Variants in SV2B observed in about 807,000 individuals in gnomAD.
SV2B encodes solute carrier family 22 member B2.
SV2B carries 41 observed loss-of-function variants against 73.9 expected under a neutral mutation model. The ratio of observed to expected loss-of-function variants is 0.56; its 90% confidence interval spans 0.43 to 0.72. The LOEUF (loss-of-function observed/expected upper bound fraction) is 0.72. SV2B is among the 30% of genes least tolerant of loss of function. The pLI is 0.00. For synonymous variants in SV2B, 314 were observed against 314.2 expected (o/e 1.00, Z 0.01); for missense variants, 764 against 857.8 (o/e 0.89, Z 1.37).
intron 2 of SV2B, 59 bp downstream of exon 2, chr15:91,226,773 T>C: frequency 1.9e-6 from 3 of 1,550,174 alleles, no homozygotes; most frequent in Non-Finnish European, 2.6e-6. Flanking sequence ...AAAATTTATC[T>C]AGTATCTGTC....
At chr15:91,270,840 G>GT in intron 9 of SV2B, among the ~76,000 whole-genome samples, 1 of 116,892 alleles carries the variant, frequency 8.6e-6, no homozygotes, top group Non-Finnish European at 1.9e-5. Flanking sequence ...TGTGGATGAT[G>GT]GGGGGACGGT....
chr15:91,282,010 C>T, intron 10 of SV2B, 149 bp downstream of exon 10: 1 of 988,194 alleles, frequency 1.0e-6, no homozygotes, highest in Non-Finnish European at 1.4e-6. Context: ...GGATTTTAGC[C>T]CCAGGCATGG....
At chr15:91,117,354 A>G (rs2042209975) in intron 1 of SV2B, among the ~76,000 whole-genome samples, 1 of 152,270 alleles carries the variant, frequency 6.6e-6, no homozygotes, top group South Asian at 2.1e-4. Flanking sequence ...AGTGCTCAGC[A>G]CAATGTTGGA....
intron 1 of SV2B, among the ~76,000 whole-genome samples, chr15:91,171,963 A>G (rs999619078): frequency 5.3e-5 from 8 of 152,192 alleles, no homozygotes; most frequent in South Asian, 2.1e-4. Flanking sequence ...ACTCTGTTGG[A>G]TAAAAACCTT....
intron 1 of SV2B, among the ~76,000 whole-genome samples, chr15:91,187,778 A>G (rs1596545447): frequency 1.3e-5 from 2 of 151,882 alleles, no homozygotes; most frequent in African/African-American, 4.8e-5. Context: ...TTCTATATTC[A>G]TTTACTAGGA....
chr15:91,199,245 T>C (rs2045374156), intron 1 of SV2B, among the ~76,000 whole-genome samples: 1 of 152,148 alleles, frequency 6.6e-6, no homozygotes, highest in South Asian at 2.1e-4. Context: ...TGGAACATAC[T>C]GTTTGACTTT....
At position 91,292,887 on chromosome 15, in the gene SV2B, C is replaced by T. The variant is rs1388115173; in HGVS notation, c.*335C>T. ...AAGTCAAGTGCAAGGACTTAACTTG[C>T]GTTTGAAAAGGAATTAGAGGGTCAG... On this transcript the variant is annotated 3_prime_UTR_variant, in exon 13 of 13. Transcript: ENST00000394232. The T allele has an allele frequency of 2.2e-5, 4 of 185,262 alleles. No individual in the cohort carries two copies. Among genetic ancestry groups the T allele is most frequent in the Non-Finnish European group, 4.4e-5 (4 of 90,274 alleles). 11.5% of individuals were successfully genotyped at this position (185,262 alleles called of 1,614,324 possible).
intron 6 of SV2B, among the ~76,000 whole-genome samples, chr15:91,263,519 C>T (rs1466585907): frequency 6.6e-6 from 1 of 151,506 alleles, no homozygotes; most frequent in Admixed American, 6.6e-5. Flanking sequence ...CATGTAGATG[C>T]AGAGACACAC....
chr15:91,127,601 A>G lies in SV2B; in HGVS notation c.-392+27238A>G, dbSNP rs12591346. ...TTGAACAAATAACCTTTTGGATGAG[A>G]AAGAAAAGAAATACTCCAGAGGCAT... On this transcript the variant is annotated intron_variant, in intron 1 of 12. Transcript: ENST00000394232. Among the ~76,000 whole-genome samples, 200 of 152,236 alleles carry G rather than the reference A, an allele frequency of 1.3e-3. No homozygotes were observed. In the East Asian group the frequency reaches 0.03, roughly 22 times the overall value.
intron 1 of SV2B, among the ~76,000 whole-genome samples, chr15:91,186,800 A>T (rs1011562420): frequency 6.6e-6 from 1 of 152,214 alleles, no homozygotes; most frequent in Non-Finnish European, 1.5e-5. Context: ...AAAAGCTCAG[A>T]CTTCACCACT....
chr15:91,197,626 T>C lies in SV2B; in HGVS notation c.-391-28247T>C, dbSNP rs16945314. Among the ~76,000 whole-genome samples the C allele has an allele frequency of 0.035, 5,272 of 152,186 alleles. 292 individuals carry two copies. The highest frequency in any genetic ancestry group is 0.12 in the African/African-American group (4,869 of 41,484). Reference sequence around the variant, plus strand: ...ATGGATAAGTAAGGAGAGTTATCCCTAGGAATACTATATAGCAGTTCAGCT... The same window carrying C: ...ATGGATAAGTAAGGAGAGTTATCCCCAGGAATACTATATAGCAGTTCAGCT... On this transcript the variant is annotated intron_variant, in intron 1 of 12. Coordinates refer to ENST00000394232, the MANE Select transcript of SV2B (RefSeq NM_001323032.3). This position sits in a 1 kb window ranked among gnomAD's most constrained non-coding sequence, Gnocchi z 4.9.
In SV2B at chr15:91,156,091, C is replaced by T. The variant is rs115828147; in HGVS notation, c.-392+55728C>T. On this transcript the variant is annotated intron_variant, in intron 1 of 12. Coordinates refer to ENST00000394232, the MANE Select transcript of SV2B (RefSeq NM_001323032.3). ...AAGGAATGGAAAAGTGTTTTATGTT[C>T]GTGTCAGAGGAGCTTCCAGATCACT... Among the ~76,000 whole-genome samples the T allele has an allele frequency of 6.6e-3, 999 of 152,078 alleles. 9 individuals are homozygous for T. The highest frequency in any genetic ancestry group is 0.023 in the African/African-American group (938 of 41,466).
rs2239994 is a variant in SV2B at position 91,265,498 on chromosome 15, C to T, written c.1009-1084C>T. ...CCCCAAGGAGCAAAGAAAGGAAAAA[C>T]TGACATTTGAGAGGATATCTTAAGG... On this transcript the variant is annotated intron_variant, in intron 6 of 12. Coordinates refer to ENST00000394232, the MANE Select transcript of SV2B (RefSeq NM_001323032.3). This position sits in a 1 kb window ranked among gnomAD's most constrained non-coding sequence, Gnocchi z 4.2. Among the ~76,000 whole-genome samples the T allele has an allele frequency of 0.14, 21,876 of 152,208 alleles. 2,027 individuals carry two copies. Among genetic ancestry groups the T allele is most frequent in the African/African-American group, 0.26 (10,769 of 41,502 alleles).
rs12904818 is a variant in SV2B, at chr15:91,191,733, A to G, written c.-391-34140A>G. Among the ~76,000 whole-genome samples, 1,516 of 152,352 alleles carry G rather than the reference A, an allele frequency of 1.0e-2. 12 individuals are homozygous for G. Among genetic ancestry groups the G allele is most frequent in the Non-Finnish European group, 0.016 (1,076 of 68,036 alleles). ...TCTCCATGTACTACTTTTGTTTTAA[A>G]TACATCTCTTATAGGCAACATTTTG... On this transcript the variant is annotated intron_variant, in intron 1 of 12. Transcript: ENST00000394232.
At chr15:91,226,761 G>A in intron 2 of SV2B, 47 bp downstream of exon 2, 1 of 1,570,030 alleles carries the variant, frequency 6.4e-7, no homozygotes, top group Non-Finnish European at 8.6e-7. Flanking sequence ...GGAAGGAGAA[G>A]TAAAATTTAT....
intron 1 of SV2B, among the ~76,000 whole-genome samples, chr15:91,153,348 C>T (rs1294754643): frequency 6.6e-6 from 1 of 152,074 alleles, no homozygotes; most frequent in African/African-American, 2.4e-5. Context: ...ACTGTGTGTC[C>T]CACCCTTGGG....
At position 91,234,353 on chromosome 15, in the gene SV2B, G is replaced by A. The variant is rs1317397470; in HGVS notation, c.451+7639G>A. On this transcript the variant is annotated intron_variant, in intron 2 of 12. Transcript: ENST00000394232. The surrounding 1 kb of genome is among the most constrained non-coding windows in gnomAD (Gnocchi z 5.6). ...CTCTCTGGAACAGACCTTACAGTGT[G>A]GACTGTAGTCATGGAGTTGCAATAC... Among the ~76,000 whole-genome samples, 1 of 152,152 alleles carries A rather than the reference G, an allele frequency of 6.6e-6. No individual in the cohort carries two copies. The highest frequency in any genetic ancestry group is 1.5e-5 in the Non-Finnish European group (1 of 68,024).
In SV2B at chr15:91,236,116, A is replaced by C. The variant is rs1456087811; in HGVS notation, c.451+9402A>C. Among the ~76,000 whole-genome samples, 1 of 152,234 alleles carries C rather than the reference A, an allele frequency of 6.6e-6. No homozygotes were observed. The highest frequency in any genetic ancestry group is 1.5e-5 in the Non-Finnish European group (1 of 68,044). ...CAGTTGTTTCAACATTGATTAAAGC[A>C]AGGATGTCTCAGGACATTCTGTCCA... On this transcript the variant is annotated intron_variant, in intron 2 of 12. Coordinates refer to ENST00000394232, the MANE Select transcript of SV2B (RefSeq NM_001323032.3). The surrounding 1 kb of genome is among the most constrained non-coding windows in gnomAD (Gnocchi z 4.1).
Position 91,169,973 on chromosome 15 carries a change from A to G in SV2B, c.-391-55900A>G, listed in dbSNP as rs1244785670. Among the ~76,000 whole-genome samples the G allele has an allele frequency of 2.0e-5, 3 of 152,200 alleles. No individual in the cohort carries two copies. The East Asian group carries it at 5.8e-4, about 29-fold the overall frequency. On this transcript the variant is annotated intron_variant, in intron 1 of 12. Coordinates refer to ENST00000394232, the MANE Select transcript of SV2B (RefSeq NM_001323032.3). The stretch of plus-strand genomic sequence containing the variant: ...GTTTAAAATTGACTGAAGAGAATCA[A>G]TTACTTTCCGATGGTTGAAGGGGCC...
Sources: gnomAD v4.1 joint callset for allele counts (sites outside exome capture counted in the v4.1 genomes callset) on GRCh38, gnomAD v4.1.1 for gene constraint, Gnocchi (gnomAD v3.1) non-coding constraint, MANE v1.5 for transcripts, NCBI Gene and HGNC (gene_info 2026-07-23, HGNC 2026-07-21) for gene names.